Variants in COL13A1 observed in about 807,000 individuals in gnomAD.
COL13A1 encodes the protein collagen type XIII alpha 1 chain, also known as collagen alpha-1(XIII) chain.
COL13A1 carries 89 observed loss-of-function variants against 130.9 expected under a neutral mutation model. The observed-to-expected ratio is 0.68, with a 90% CI of 0.57 to 0.81. The LOEUF (loss-of-function observed/expected upper bound fraction) is 0.81. Among genes scored for constraint, COL13A1 ranks in the 30% least tolerant of loss-of-function variants. COL13A1 has a pLI of 0.00. For synonymous variants in COL13A1, 402 were observed against 341.6 expected (o/e 1.18, Z -1.95); for missense variants, 879 against 934.6 (o/e 0.94, Z 0.78).
rs557929227 is a variant in COL13A1, at chr10:69,958,907, A to T, written c.*206A>T. On this transcript the variant is annotated 3_prime_UTR_variant, in exon 41 of 41. Transcript: ENST00000645393. ...TTTTGTATAAGCCTATGTCTCTAAT[A>T]CATTTTTTGTTTGGTCGTAATGTCT... 5 of 629,818 alleles carry T rather than the reference A, an allele frequency of 7.9e-6. No homozygotes were observed. Among genetic ancestry groups the T allele is most frequent in the Non-Finnish European group, 1.3e-5 (5 of 384,500 alleles). 39.0% of individuals were successfully genotyped at this position (629,818 alleles called of 1,614,324 possible).
chr10:69,867,215 G>A (rs1303412777), intron 2 of COL13A1, among the ~76,000 whole-genome samples: 2 of 152,352 alleles, frequency 1.3e-5, no homozygotes, highest in Middle Eastern at 3.4e-3. Flanking sequence ...CCGAGAGGGG[G>A]CTTTGAGAAA....
intron 2 of COL13A1, among the ~76,000 whole-genome samples, chr10:69,834,352 G>T (rs2133039690): frequency 6.6e-6 from 1 of 152,312 alleles, no homozygotes; most frequent in South Asian, 2.1e-4. Flanking sequence ...AAGACACAGA[G>T]AAGCAGAGGA....
At chr10:69,805,682 C>T (rs1470443357) in intron 1 of COL13A1, among the ~76,000 whole-genome samples, 1 of 152,168 alleles carries the variant, frequency 6.6e-6, no homozygotes, top group Non-Finnish European at 1.5e-5. Context: ...CGCTGTGCTA[C>T]GAGCAGCTTC....
At chr10:69,949,851 A>T (rs538762347) in intron 38 of COL13A1, among the ~76,000 whole-genome samples, 1 of 150,770 alleles carries the variant, frequency 6.6e-6, no homozygotes, top group Non-Finnish European at 1.5e-5. Flanking sequence ...GCCAGCTGAA[A>T]AGGTCTGTGT....
chr10:69,927,231 T>C (rs1365205652), intron 27 of COL13A1, 121 bp downstream of exon 27: 2 of 1,475,710 alleles, frequency 1.4e-6, no homozygotes, highest in African/African-American at 1.4e-5. Flanking sequence ...CAGATTAGGG[T>C]TGACCCAACA....
At chr10:69,940,714 G>T (rs1255813256) in intron 34 of COL13A1, among the ~76,000 whole-genome samples, 1 of 152,176 alleles carries the variant, frequency 6.6e-6, no homozygotes, top group Admixed American at 6.5e-5. Flanking sequence ...GAGGAGAAGG[G>T]GGGCGGGAGG....
chr10:69,957,121 G>T lies in COL13A1; in HGVS notation c.2184+79G>T. 1.5e-6 allele frequency: 2 copies of T among 1,295,262 alleles called. 1 individual carries two copies. The highest frequency in any genetic ancestry group is 2.2e-6 in the Non-Finnish European group (2 of 891,598). The allele number at this position is 1,295,262 out of a possible 1,614,324, so 80.2% of individuals were successfully genotyped here. On this transcript the variant is annotated intron_variant, in intron 40 of 40. Coordinates refer to ENST00000645393, the MANE Select transcript of COL13A1 (RefSeq NM_001368882.1). ...GCTTCCACAATTTCCATTCTGCCTT[G>T]CTACAGATGAGGCAGCAAGACATAG...
chr10:69,949,952 GTGTT>G (rs2069178771), intron 38 of COL13A1, among the ~76,000 whole-genome samples: 1 of 150,686 alleles, frequency 6.6e-6, no homozygotes. Flanking sequence ...GTGTGTGCGT[GTGTT>G]TGTGTGTGCG....
At position 69,937,711 on chromosome 10, in the gene COL13A1, T is replaced by C. The variant is rs750857375; in HGVS notation, c.1874T>C (p.Leu625Pro). Residue 625 changes from leucine (L) to proline (P), a missense_variant, in exon 34 of 41, where the codon CTA (leucine) becomes CCA (proline). Coordinates refer to ENST00000645393, the MANE Select transcript of COL13A1 (RefSeq NM_001368882.1). Reference sequence around the variant, plus strand: ...AAAGGAGACCGTGGTCCCCTGGGACTACCCGTAAGTACCTTGGACCCAGCA... The same window carrying C: ...AAAGGAGACCGTGGTCCCCTGGGACCACCCGTAAGTACCTTGGACCCAGCA... ...GEKGDRGPLG[L>P]PGASGLDGRP... 4.1e-6 allele frequency: 6 copies of C among 1,476,516 alleles called. No individual in the cohort carries two copies. Among genetic ancestry groups the C allele is most frequent in the South Asian group, 1.1e-5 (1 of 88,294 alleles). 91.5% of individuals were successfully genotyped at this position (1,476,516 alleles called of 1,614,324 possible).
intron 17 of COL13A1, among the ~76,000 whole-genome samples, chr10:69,907,649 C>CCCA (rs2062907167): frequency 6.6e-6 from 1 of 151,406 alleles, no homozygotes; most frequent in African/African-American, 2.4e-5. Context: ...CTAACCCACT[C>CCCA]TCATGATGAC....
intron 2 of COL13A1, among the ~76,000 whole-genome samples, chr10:69,862,903 C>T (rs1002408922): frequency 2.0e-5 from 3 of 152,210 alleles, no homozygotes; most frequent in African/African-American, 7.2e-5. Flanking sequence ...AGAGTACATA[C>T]TCTGTAGATG....
intron 12 of COL13A1, 71 bp from the exon 13 acceptor site, chr10:69,895,479 G>C: frequency 6.5e-7 from 1 of 1,535,660 alleles, no homozygotes; most frequent in Non-Finnish European, 9.0e-7. Context: ...CTGAAGTGCT[G>C]GGGGTGCCCT....
chr10:69,822,311 T>C, intron 1 of COL13A1, 58 bp from the exon 2 acceptor site: 1 of 1,392,216 alleles, frequency 7.2e-7, no homozygotes, highest in Non-Finnish European at 9.7e-7. Flanking sequence ...ACAGCTGCTT[T>C]CCAGGGCTTG....
intron 2 of COL13A1, among the ~76,000 whole-genome samples, chr10:69,862,841 G>T (rs1416027324): frequency 6.6e-6 from 1 of 152,186 alleles, no homozygotes; most frequent in East Asian, 1.9e-4. Context: ...ATACTTCACT[G>T]GGTCATTGGG....
At chr10:69,806,361 C>T (rs1404282564) in intron 1 of COL13A1, among the ~76,000 whole-genome samples, 4 of 152,150 alleles carry the variant, frequency 2.6e-5, no homozygotes, top group Admixed American at 2.0e-4. Flanking sequence ...GAGGGAGCTG[C>T]AGGGAGGGCC....
intron 2 of COL13A1, among the ~76,000 whole-genome samples, chr10:69,827,059 G>C (rs533888444): frequency 2.6e-5 from 4 of 152,324 alleles, no homozygotes; most frequent in African/African-American, 9.6e-5. Flanking sequence ...ACTTTATTAC[G>C]ATGGTAGGTG....
intron 13 of COL13A1, among the ~76,000 whole-genome samples, chr10:69,895,815 G>A (rs1350622998): frequency 6.6e-5 from 10 of 152,294 alleles, no homozygotes; most frequent in Non-Finnish European, 8.8e-5. Flanking sequence ...TCACCCGTGC[G>A]TGTCTGTACA....
chr10:69,822,268 G>A, intron 1 of COL13A1, 101 bp from the exon 2 acceptor site: 1 of 829,878 alleles, frequency 1.2e-6, no homozygotes, highest in Non-Finnish European at 1.8e-6. Flanking sequence ...AGTTCTGCCG[G>A]TTTCCCCCTC....
intron 32 of COL13A1, 130 bp from the exon 33 acceptor site, chr10:69,936,626 C>A: frequency 1.0e-6 from 1 of 1,000,778 alleles, no homozygotes; most frequent in Non-Finnish European, 1.5e-6. Flanking sequence ...CTTTCTACCT[C>A]TCATGGGCAG....
Sources: allele counts gnomAD v4.1 joint callset (sites outside exome capture counted in the v4.1 genomes callset), GRCh38; gene constraint gnomAD v4.1.1; transcripts MANE v1.5; gene names NCBI Gene and HGNC (gene_info 2026-07-23, HGNC 2026-07-21).